Variants in DPP10 observed in about 807,000 individuals in gnomAD.
DPP10 encodes the protein dipeptidyl peptidase like 10, also known as inactive dipeptidyl peptidase 10.
A neutral mutation model predicts 120.9 loss-of-function variants in DPP10; 33 were observed. That is an observed-to-expected ratio of 0.27 (90% CI 0.21 to 0.37). The LOEUF is 0.37. Among genes scored for constraint, DPP10 ranks in the 10% least tolerant of loss-of-function variants. The probability of loss-of-function intolerance (pLI) is 1.00; values close to 1 mark genes in which losing one functional copy is unlikely to be tolerated. For missense variants in DPP10, 816 were observed against 942.8 expected, an observed-to-expected ratio of 0.87 and a Z score of 1.76; for synonymous variants, 337 against 326.1, an observed-to-expected ratio of 1.03 and a Z score of -0.36.
At chr2:114,954,524 C>G (rs1219298541) in intron 1 of DPP10, among the ~76,000 whole-genome samples, 1 of 151,916 alleles carries the variant, frequency 6.6e-6, no homozygotes, top group African/African-American at 2.4e-5. Flanking sequence ...CCCAAATAAA[C>G]AACCTAACAT....
chr2:115,744,504 G>A (rs138680045), intron 9 of DPP10, among the ~76,000 whole-genome samples: 6 of 150,460 alleles, frequency 4.0e-5, no homozygotes, highest in Middle Eastern at 3.4e-3. Context: ...AACCTTTGGC[G>A]TGCGGGAGGC....
chr2:115,388,541 G>T (rs1385736380), intron 3 of DPP10, among the ~76,000 whole-genome samples: 1 of 152,130 alleles, frequency 6.6e-6, no homozygotes, highest in Non-Finnish European at 1.5e-5. Flanking sequence ...AATGCTGCTT[G>T]GACAAATACT....
At chr2:115,754,783 T>C (rs1303684538) in intron 11 of DPP10, among the ~76,000 whole-genome samples, 1 of 152,142 alleles carries the variant, frequency 6.6e-6, no homozygotes, top group Non-Finnish European at 1.5e-5. Context: ...GATAGTAATA[T>C]TGGAATTAGC....
At chr2:115,660,043 T>C (rs1347813130) in intron 5 of DPP10, among the ~76,000 whole-genome samples, 1 of 152,180 alleles carries the variant, frequency 6.6e-6, no homozygotes, top group Non-Finnish European at 1.5e-5. Context: ...GATTTTATAA[T>C]AGCTTAAATT....
intron 1 of DPP10, among the ~76,000 whole-genome samples, chr2:114,615,336 T>A (rs1366657707): frequency 6.6e-6 from 1 of 152,142 alleles, no homozygotes; most frequent in Non-Finnish European, 1.5e-5. Flanking sequence ...TCTCTAATAT[T>A]GGCCACGGTT....
intron 1 of DPP10, among the ~76,000 whole-genome samples, chr2:115,205,840 A>G (rs941240417): frequency 1.8e-4 from 27 of 152,266 alleles, no homozygotes; most frequent in African/African-American, 6.3e-4. Context: ...ATACACAGAC[A>G]TAAAGATGGG....
At chr2:115,111,746 G>T (rs1252361217) in intron 1 of DPP10, among the ~76,000 whole-genome samples, 3 of 152,146 alleles carry the variant, frequency 2.0e-5, no homozygotes, top group Admixed American at 2.0e-4. Context: ...ACATGTAATA[G>T]GATCCATCCA....
chr2:114,794,424 C>T (rs144316249), intron 1 of DPP10, among the ~76,000 whole-genome samples: 76 of 152,186 alleles, frequency 5.0e-4, no homozygotes, highest in African/African-American at 1.8e-3. Context: ...GAGGGTGTTC[C>T]GTTCCATTGT....
At chr2:115,661,247 C>A (rs2088949075) in intron 5 of DPP10, among the ~76,000 whole-genome samples, 1 of 152,150 alleles carries the variant, frequency 6.6e-6, no homozygotes. Flanking sequence ...CCGCGACCAG[C>A]CTGAAATATA....
intron 1 of DPP10, among the ~76,000 whole-genome samples, chr2:115,053,725 A>G (rs186797951): frequency 8.2e-4 from 125 of 152,304 alleles, no homozygotes; most frequent in Non-Finnish European, 1.5e-3. Flanking sequence ...TGTGCATTCT[A>G]TGTGAGGTTT....
At chr2:114,856,506 G>A (rs1432100345) in intron 1 of DPP10, among the ~76,000 whole-genome samples, 1 of 152,038 alleles carries the variant, frequency 6.6e-6, no homozygotes, top group Non-Finnish European at 1.5e-5. Flanking sequence ...TATTCCAAAT[G>A]TTCATTAACA....
chr2:114,890,121 C>T (rs1692420448), intron 1 of DPP10, among the ~76,000 whole-genome samples: 1 of 152,164 alleles, frequency 6.6e-6, no homozygotes, highest in Non-Finnish European at 1.5e-5. Flanking sequence ...TTATTTAGCA[C>T]AGTATGTGCT....
intron 1 of DPP10, among the ~76,000 whole-genome samples, chr2:115,199,212 C>T (rs1202147843): frequency 6.6e-6 from 1 of 151,940 alleles, no homozygotes; most frequent in Admixed American, 6.6e-5. Flanking sequence ...AGTTGATAAT[C>T]CTATTTGCCC....
chr2:115,300,896 A>G (rs916063708), intron 1 of DPP10, among the ~76,000 whole-genome samples: 1 of 151,934 alleles, frequency 6.6e-6, no homozygotes, highest in African/African-American at 2.4e-5. Flanking sequence ...CTGTTTCTTT[A>G]TATGCCTTGT....
rs72949850 is a variant in DPP10, at chr2:114,455,280, C to T, written c.60+12442C>T. On this transcript the variant is annotated intron_variant, in intron 1 of 25. Transcript: ENST00000410059. ...TAAATACAGGCCAGGTCCAATGGCT[C>T]ACGCCTGTAATCCCAGCACTTAGGG... is the stretch of plus-strand genomic sequence containing the variant. Among the ~76,000 whole-genome samples, 1,063 of 152,092 alleles carry T rather than the reference C, an allele frequency of 7.0e-3. 13 individuals are homozygous for T. Among genetic ancestry groups the T allele is most frequent in the African/African-American group, 0.023 (963 of 41,474 alleles).
intron 1 of DPP10, among the ~76,000 whole-genome samples, chr2:115,086,745 G>A (rs538135777): frequency 1.3e-5 from 2 of 152,122 alleles, no homozygotes; most frequent in East Asian, 1.9e-4. Flanking sequence ...GTGAGCCACC[G>A]TGCCCAGCCA....
chr2:115,627,360 G>C (rs982122329), intron 5 of DPP10, among the ~76,000 whole-genome samples: 8 of 152,010 alleles, frequency 5.3e-5, no homozygotes, highest in East Asian at 1.9e-4. Context: ...CTCAGCTAGG[G>C]GAGGAGAGCA....
At chr2:115,681,051 A>G (rs373237084) in intron 5 of DPP10, among the ~76,000 whole-genome samples, 1 of 151,886 alleles carries the variant, frequency 6.6e-6, no homozygotes, top group African/African-American at 2.4e-5. Flanking sequence ...AATTACCTCA[A>G]TGGCAACATG....
intron 1 of DPP10, among the ~76,000 whole-genome samples, chr2:115,147,185 A>C (rs1322918789): frequency 6.6e-6 from 1 of 151,354 alleles, no homozygotes; most frequent in Non-Finnish European, 1.5e-5. Context: ...GTGTGTGTAT[A>C]TATATAGTAT....
Sources: allele counts gnomAD v4.1 joint callset (sites outside exome capture counted in the v4.1 genomes callset), GRCh38; gene constraint gnomAD v4.1.1; transcripts MANE v1.5; gene names NCBI Gene and HGNC (gene_info 2026-07-23, HGNC 2026-07-21).